SH3RF1: variants seen among roughly 807,000 people sequenced by gnomAD.
The protein encoded by SH3RF1 is E3 ubiquitin-protein ligase SH3RF1.
SH3RF1 carries 32 observed loss-of-function variants against 74.0 expected under a neutral mutation model. That is an observed-to-expected ratio of 0.43 (90% CI 0.33 to 0.58). SH3RF1 has a LOEUF of 0.58. Ranked by LOEUF, SH3RF1 falls within the 20% of genes least tolerant of loss-of-function variation. The probability of loss-of-function intolerance (pLI) is 0.05; values close to 1 mark genes in which losing one functional copy is unlikely to be tolerated. For synonymous variants in SH3RF1, 396 were observed against 439.6 expected (o/e 0.90, Z 1.24); for missense variants, 954 against 1,130.9 (o/e 0.84, Z 2.24).
intron 5 of SH3RF1, among the ~76,000 whole-genome samples, chr4:169,130,991 C>T (rs1057031061): frequency 2.6e-5 from 4 of 152,088 alleles, no homozygotes; most frequent in African/African-American, 9.7e-5. Flanking sequence ...CTGGTACCTG[C>T]CTCCCTAAGA....
At chr4:169,262,813 C>T (rs1305401956) in intron 2 of SH3RF1, among the ~76,000 whole-genome samples, 2 of 152,040 alleles carry the variant, frequency 1.3e-5, no homozygotes, top group Non-Finnish European at 2.9e-5. Context: ...CACCACAGAC[C>T]CCCTTTCCCA....
chr4:169,231,383 T>C (rs1234659533), intron 2 of SH3RF1, among the ~76,000 whole-genome samples: 3 of 152,120 alleles, frequency 2.0e-5, no homozygotes, highest in East Asian at 1.9e-4. Context: ...CTGACCAATA[T>C]GGTGAAACCC....
chr4:169,209,937 G>A (rs187240256), intron 2 of SH3RF1, among the ~76,000 whole-genome samples: 3 of 152,062 alleles, frequency 2.0e-5, no homozygotes, highest in South Asian at 2.1e-4. Flanking sequence ...CTACAGGCAC[G>A]CATCACCACA....
intron 9 of SH3RF1, 107 bp downstream of exon 9, chr4:169,117,416 T>C: frequency 6.6e-7 from 1 of 1,505,194 alleles, no homozygotes; most frequent in Non-Finnish European, 9.0e-7. Context: ...CTAATGTTGT[T>C]CATTATTAAA....
intron 2 of SH3RF1, among the ~76,000 whole-genome samples, chr4:169,232,022 G>A (rs1490753492): frequency 2.0e-5 from 3 of 152,214 alleles, no homozygotes; most frequent in African/African-American, 7.2e-5. Flanking sequence ...AAGGGAGAGA[G>A]CACCAGGCCA....
chr4:169,110,545 G>A (rs1194604401), intron 10 of SH3RF1, among the ~76,000 whole-genome samples: 3 of 152,012 alleles, frequency 2.0e-5, no homozygotes, highest in Admixed American at 2.0e-4. Context: ...TGGAAGGATT[G>A]CTTGAGTCCA....
chr4:169,258,301 T>C (rs1731222744), intron 2 of SH3RF1, among the ~76,000 whole-genome samples: 1 of 152,212 alleles, frequency 6.6e-6, no homozygotes, highest in Admixed American at 6.5e-5. Flanking sequence ...TGCTGCCAGA[T>C]TTGAACTTTC....
At chr4:169,129,518 G>T (rs895376041) in intron 6 of SH3RF1, among the ~76,000 whole-genome samples, 2 of 152,142 alleles carry the variant, frequency 1.3e-5, no homozygotes, top group Non-Finnish European at 2.9e-5. Flanking sequence ...TTTCAGAAGG[G>T]AAATCAACAT....
chr4:169,235,008 T>C (rs532955502), intron 2 of SH3RF1, among the ~76,000 whole-genome samples: 15 of 152,290 alleles, frequency 9.8e-5, no homozygotes, highest in African/African-American at 2.4e-4. Flanking sequence ...CCATTGAGAA[T>C]CACTGTTTTA....
intron 2 of SH3RF1, among the ~76,000 whole-genome samples, chr4:169,157,264 C>T (rs1441459545): frequency 6.6e-6 from 1 of 152,148 alleles, no homozygotes; most frequent in African/African-American, 2.4e-5. Flanking sequence ...AGGGTCTACT[C>T]CTGGATACAG....
intron 2 of SH3RF1, among the ~76,000 whole-genome samples, chr4:169,263,709 T>C (rs1238350272): frequency 6.6e-6 from 1 of 152,210 alleles, no homozygotes; most frequent in Non-Finnish European, 1.5e-5. Context: ...ATCCCTTGAG[T>C]AATGCCTTAG....
chr4:169,139,980 T>C (rs1029810354), intron 4 of SH3RF1, among the ~76,000 whole-genome samples: 1 of 152,256 alleles, frequency 6.6e-6, no homozygotes, highest in African/African-American at 2.4e-5. Flanking sequence ...TTCCTCTAAA[T>C]AGCCTAGCAT....
At chr4:169,263,949 G>T (rs1445934131) in intron 2 of SH3RF1, among the ~76,000 whole-genome samples, 1 of 152,174 alleles carries the variant, frequency 6.6e-6, no homozygotes, top group Admixed American at 6.5e-5. Context: ...GTAGGGAGGG[G>T]CTGAACAACT....
chr4:169,172,349 A>G (rs1424061138), intron 2 of SH3RF1, among the ~76,000 whole-genome samples: 1 of 152,236 alleles, frequency 6.6e-6, no homozygotes, highest in Non-Finnish European at 1.5e-5. Context: ...TTTTAAGAAT[A>G]TGCCCGTACA....
intron 10 of SH3RF1, among the ~76,000 whole-genome samples, chr4:169,113,254 G>A (rs2126941311): frequency 6.6e-6 from 1 of 152,150 alleles, no homozygotes; most frequent in South Asian, 2.1e-4. Flanking sequence ...GGGATTACAG[G>A]CATGTGCCAC....
intron 2 of SH3RF1, among the ~76,000 whole-genome samples, chr4:169,167,737 G>A (rs369067168): frequency 2.0e-5 from 3 of 152,128 alleles, no homozygotes; most frequent in East Asian, 3.8e-4. Context: ...GAGGGTGTGA[G>A]GGAAATTTCT....
intron 2 of SH3RF1, among the ~76,000 whole-genome samples, chr4:169,193,369 A>G (rs1284266864): frequency 2.0e-5 from 3 of 152,162 alleles, no homozygotes; most frequent in Non-Finnish European, 2.9e-5. Context: ...TTTAACTTTC[A>G]GCAGAAAAGC....
chr4:169,119,632 C>T (rs1733405002), intron 8 of SH3RF1, among the ~76,000 whole-genome samples: 1 of 152,028 alleles, frequency 6.6e-6, no homozygotes, highest in Non-Finnish European at 1.5e-5. Flanking sequence ...TTTTAACATA[C>T]ATAGAAAAGA....
At chr4:169,185,398 A>G (rs1734585426) in intron 2 of SH3RF1, among the ~76,000 whole-genome samples, 1 of 152,236 alleles carries the variant, frequency 6.6e-6, no homozygotes, top group Non-Finnish European at 1.5e-5. Context: ...AGTGAGCTGC[A>G]GTCTGAGCTG....
Sources: gnomAD v4.1 joint callset for allele counts (sites outside exome capture counted in the v4.1 genomes callset) on GRCh38, gnomAD v4.1.1 for gene constraint, MANE v1.5 for transcripts, NCBI Gene and HGNC (gene_info 2026-07-23, HGNC 2026-07-21) for gene names.